Variants in CARS2 observed in about 807,000 individuals in gnomAD.
The protein encoded by CARS2 is probable cysteine--tRNA ligase, mitochondrial.
Under a neutral mutation model 68.8 loss-of-function variants are expected in CARS2, and 52 were observed. The ratio of observed to expected loss-of-function variants is 0.76; its 90% confidence interval spans 0.61 to 0.95. The LOEUF is 0.95. CARS2 is among the 40% of genes least tolerant of loss of function. The probability of loss-of-function intolerance (pLI) is 0.00; values close to 1 mark genes in which losing one functional copy is unlikely to be tolerated. For synonymous variants in CARS2, 314 were observed against 303.6 expected (o/e 1.03, Z -0.36); for missense variants, 780 against 754.2 (o/e 1.03, Z -0.40).
In CARS2 at chr13:110,670,280, G is replaced by C. The variant is rs993539981; in HGVS notation, c.786-2807C>G. 6.6e-6 allele frequency among the ~76,000 whole-genome samples: 1 copy of C among 152,216 alleles called. No individual in the cohort carries two copies. The highest frequency in any genetic ancestry group is 2.4e-5 in the African/African-American group (1 of 41,456). On this transcript the variant is annotated intron_variant, in intron 7 of 14. Coordinates refer to ENST00000257347, the MANE Select transcript of CARS2 (RefSeq NM_024537.4). This position sits in a 1 kb window ranked among gnomAD's most constrained non-coding sequence, Gnocchi z 4.1. ...CTCCTCAAGTGGGTCCCTGATCCCC[G>C]AGTAGACCAACTGGGAGACACCTCC...
intron 9 of CARS2, among the ~76,000 whole-genome samples, chr13:110,652,494 G>A (rs539487328): frequency 2.6e-5 from 4 of 152,066 alleles, no homozygotes; most frequent in South Asian, 2.1e-4. Context: ...AGGCTTCAGC[G>A]GCCTCGCCCA....
chr13:110,713,364 A>C (rs1047663665), exon 1 of CARS2: 7 of 1,066,510 alleles, frequency 6.6e-6, no homozygotes, highest in Non-Finnish European at 5.7e-6. Flanking sequence ...TCAGCGAAGC[A>C]GGCCGCTCCC....
chr13:110,667,953 C>T (rs754885031), intron 7 of CARS2, among the ~76,000 whole-genome samples: 13 of 152,154 alleles, frequency 8.5e-5, no homozygotes, highest in African/African-American at 1.7e-4. Context: ...CCATAAAAAC[C>T]GCGTTTCTGC....
At chr13:110,706,147 T>C (rs1304881987), upstream of CARS2, 8 of 1,221,416 alleles carry the variant, frequency 6.5e-6, no homozygotes, top group African/African-American at 4.8e-5. Flanking sequence ...CCGGGTACGC[T>C]GCCGGTCGCT....
At chr13:110,692,004 AT>A (rs61317466) in intron 3 of CARS2, among the ~76,000 whole-genome samples, 2,328 of 55,996 alleles carry the variant, frequency 0.042, 46 homozygotes, top group Admixed American at 0.087. Context: ...AAAAAAAAAA[AT>A]ATATATATAT....
intron 6 of CARS2, among the ~76,000 whole-genome samples, chr13:110,678,284 G>T (rs1389358496): frequency 6.6e-6 from 1 of 152,210 alleles, no homozygotes; most frequent in East Asian, 1.9e-4. Flanking sequence ...ATCGTGTCAG[G>T]TAACGCGGCT....
intron 8 of CARS2, chr13:110,666,566 C>A (rs560689590): frequency 5.1e-6 from 5 of 985,126 alleles, no homozygotes; most frequent in Non-Finnish European, 6.0e-6. Context: ...TGTACTTTCA[C>A]GAAGAAACCC....
At position 110,665,381 on chromosome 13, in the gene CARS2, G is replaced by A. The variant is rs1594289966; in HGVS notation, c.920-1863C>T. 3.3e-6 allele frequency: 3 copies of A among 904,068 alleles called. No homozygotes were observed. The highest frequency in any genetic ancestry group is 1.3e-6 in the Non-Finnish European group (1 of 755,578). The allele number at this position is 904,068 out of a possible 1,614,324, so 56.0% of individuals were successfully genotyped here. A position where few individuals can be genotyped will look rare whatever the true frequency, so the allele number is the denominator to read the frequency against. On this transcript the variant is annotated intron_variant, in intron 8 of 14. Coordinates refer to ENST00000257347, the MANE Select transcript of CARS2 (RefSeq NM_024537.4). The surrounding 1 kb of genome is among the most constrained non-coding windows in gnomAD (Gnocchi z 4.3). ...GAATTGCTTGAACCCAGGAGGCAGA[G>A]GTTGCGGTGAGCTCAGATAGTGCCA... is the stretch of plus-strand genomic sequence containing the variant.
intron 6 of CARS2, among the ~76,000 whole-genome samples, chr13:110,682,462 A>C (rs1278113518): frequency 2.0e-5 from 3 of 152,236 alleles, no homozygotes; most frequent in South Asian, 2.1e-4. Context: ...GCAGAAAGAC[A>C]GTGCCTAAAA....
At chr13:110,693,265 C>T (rs72661697) in intron 3 of CARS2, among the ~76,000 whole-genome samples, 20,757 of 152,132 alleles carry the variant, frequency 0.14, 2,163 homozygotes, top group African/African-American at 0.28. Context: ...CCAGCACCAA[C>T]GGCCCAGTCC....
At chr13:110,698,573 A>G (rs1225124291) in intron 3 of CARS2, among the ~76,000 whole-genome samples, 1 of 151,986 alleles carries the variant, frequency 6.6e-6, no homozygotes, top group Non-Finnish European at 1.5e-5. Context: ...AAACACTGCT[A>G]TGGTTTGAAT....
chr13:110,704,839 CATT>C (rs2063894629), intron 2 of CARS2, among the ~76,000 whole-genome samples: 1 of 151,954 alleles, frequency 6.6e-6, no homozygotes, highest in South Asian at 2.1e-4. Context: ...CATTTTTGTA[CATT>C]ATATTTTGGA....
chr13:110,648,531 A>T (rs984491651), intron 10 of CARS2: 2 of 152,320 alleles, frequency 1.3e-5, no homozygotes, highest in African/African-American at 4.8e-5. Flanking sequence ...AGGTGAAGAA[A>T]GAATGTCTGG....
chr13:110,712,970 C>T (rs1205115816), intron 1 of CARS2: 51 of 1,559,994 alleles, frequency 3.3e-5, no homozygotes, highest in African/African-American at 5.4e-5. Context: ...GGTCCGGCCG[C>T]GGAATGGGTA....
At chr13:110,678,916 G>A (rs1014513500) in intron 6 of CARS2, among the ~76,000 whole-genome samples, 1 of 150,450 alleles carries the variant, frequency 6.6e-6, no homozygotes, top group Non-Finnish European at 1.5e-5. Flanking sequence ...CACGCGGGGC[G>A]GGGAGGAGGC....
In CARS2 at chr13:110,668,799, A is replaced by T. The variant is rs1381452061; in HGVS notation, c.786-1326T>A. On this transcript the variant is annotated intron_variant, in intron 7 of 14. Transcript: ENST00000257347. The surrounding 1 kb of genome is among the most constrained non-coding windows in gnomAD (Gnocchi z 4.1). ...GTTTCGCTCCTGATCTCTACGTTAC[A>T]CCTATTTTAAAATCAGAGAAGGCTC... Among the ~76,000 whole-genome samples the T allele has an allele frequency of 6.6e-6, 1 of 152,182 alleles. No homozygotes were observed. The highest frequency in any genetic ancestry group is 2.4e-5 in the African/African-American group (1 of 41,448).
At chr13:110,697,299 T>C (rs898128063) in intron 3 of CARS2, among the ~76,000 whole-genome samples, 2 of 152,252 alleles carry the variant, frequency 1.3e-5, no homozygotes, top group African/African-American at 4.8e-5. Context: ...CTGCCTCTTA[T>C]AGGCTGGGGG....
chr13:110,654,068 C>A (rs1405595598), intron 9 of CARS2, among the ~76,000 whole-genome samples: 1 of 152,176 alleles, frequency 6.6e-6, no homozygotes, highest in Non-Finnish European at 1.5e-5. Flanking sequence ...TGGTAACAAG[C>A]CATGTGAGCC....
chr13:110,662,801 G>A (rs1033581206), intron 9 of CARS2: 1 of 316,098 alleles, frequency 3.2e-6, no homozygotes. Flanking sequence ...AATCTGATGG[G>A]TACAGCTTTC....
Sources: allele counts gnomAD v4.1 joint callset (sites outside exome capture counted in the v4.1 genomes callset), GRCh38; gene constraint gnomAD v4.1.1; non-coding constraint Gnocchi (gnomAD v3.1); transcripts MANE v1.5; gene names NCBI Gene and HGNC (gene_info 2026-07-23, HGNC 2026-07-21).